Variants in CSMD1 observed in about 807,000 individuals in gnomAD.
CSMD1 encodes the protein CUB and sushi domain-containing protein 1.
CSMD1 carries 213 observed loss-of-function variants against 417.5 expected under a neutral mutation model. The ratio of observed to expected loss-of-function variants is 0.51; its 90% confidence interval spans 0.46 to 0.57. The LOEUF is 0.57. Among genes scored for constraint, CSMD1 ranks in the 20% least tolerant of loss-of-function variants. The pLI, the probability that CSMD1 is intolerant of heterozygous loss-of-function variation, is 0.00. For missense variants in CSMD1, 6,923 were observed against 4,529.7 expected (o/e 1.53, Z -15.17); for synonymous variants, 2,862 against 1,736.8 (o/e 1.65, Z -16.11).
chr8:4,869,236 G>C (rs573927200), intron 1 of CSMD1, among the ~76,000 whole-genome samples: 5 of 152,060 alleles, frequency 3.3e-5, no homozygotes, highest in Admixed American at 2.6e-4. Flanking sequence ...AAAAGCATCT[G>C]TGTGGCTATG....
intron 26 of CSMD1, among the ~76,000 whole-genome samples, chr8:3,261,700 G>A (rs1585840374): frequency 6.6e-6 from 1 of 152,080 alleles, no homozygotes; most frequent in Non-Finnish European, 1.5e-5. Context: ...GCAACAAGCC[G>A]GCCCCATCAG....
At chr8:4,329,555 T>G (rs962955999) in intron 3 of CSMD1, among the ~76,000 whole-genome samples, 2 of 152,142 alleles carry the variant, frequency 1.3e-5, no homozygotes, top group Admixed American at 1.3e-4. Context: ...CCCAAATTGC[T>G]TGGATTAAAG....
chr8:4,377,536 T>C (rs147391776), intron 3 of CSMD1, among the ~76,000 whole-genome samples: 66 of 152,336 alleles, frequency 4.3e-4, no homozygotes, highest in African/African-American at 1.5e-3. Context: ...AACTAATATA[T>C]ACTCAAAGTT....
At chr8:4,712,061 G>A (rs575891902) in intron 1 of CSMD1, among the ~76,000 whole-genome samples, 203 of 152,268 alleles carry the variant, frequency 1.3e-3, no homozygotes, top group Non-Finnish European at 2.0e-3. Context: ...CCCATAAAAT[G>A]CATGTTCACT....
chr8:4,464,045 A>G (rs887974396), intron 2 of CSMD1, among the ~76,000 whole-genome samples: 5 of 152,184 alleles, frequency 3.3e-5, no homozygotes, highest in African/African-American at 1.2e-4. Flanking sequence ...TACGAATTAA[A>G]AAAAAAGGAA....
chr8:4,726,348 GAT>G (rs1563229301), intron 1 of CSMD1, among the ~76,000 whole-genome samples: 1 of 150,774 alleles, frequency 6.6e-6, no homozygotes. Flanking sequence ...ATTCCTGAAA[GAT>G]AGTTATTATC....
intron 7 of CSMD1, among the ~76,000 whole-genome samples, chr8:3,634,587 A>C (rs1796940832): frequency 6.6e-6 from 1 of 152,126 alleles, no homozygotes; most frequent in Non-Finnish European, 1.5e-5. Flanking sequence ...ATAGCCATGC[A>C]CATAATGACC....
chr8:2,950,282 T>C lies in CSMD1; in HGVS notation c.10263A>G (p.Ala3421=). 1 of 1,613,506 alleles carries C rather than the reference T, an allele frequency of 6.2e-7. No individual in the cohort carries two copies. Among genetic ancestry groups the C allele is most frequent in the East Asian group, 2.2e-5 (1 of 44,880 alleles). The change falls in exon 67 of 70, where the codon GCA becomes GCG. Residue 3421 remains alanine, a synonymous_variant. Coordinates refer to ENST00000635120, the MANE Select transcript of CSMD1 (RefSeq NM_033225.6). ...LLKAFQIKGQ[A]DIFVSKFEND... is the part of the protein sequence containing the mutation. ...TTTCGAACTTGCTTACAAAAATATC[T>C]GCCTGGCCTTTAATTTGAAAAGCTT...
chr8:3,273,344 T>C (rs1360446624), intron 26 of CSMD1, among the ~76,000 whole-genome samples: 8 of 152,132 alleles, frequency 5.3e-5, no homozygotes, highest in Admixed American at 1.3e-4. Context: ...CAGTATTTTA[T>C]TGAGGATTTT....
intron 7 of CSMD1, among the ~76,000 whole-genome samples, chr8:3,651,118 T>A (rs1485538670): frequency 6.6e-6 from 1 of 152,212 alleles, no homozygotes; most frequent in East Asian, 1.9e-4. Flanking sequence ...TCTGTCAGTA[T>A]CTTGTCTTGA....
chr8:3,499,749 G>T (rs1456025103), intron 10 of CSMD1, among the ~76,000 whole-genome samples: 1 of 152,020 alleles, frequency 6.6e-6, no homozygotes, highest in Non-Finnish European at 1.5e-5. Flanking sequence ...TGCAGCTGGG[G>T]TCATAGTCCT....
At chr8:4,280,168 G>T (rs1796701534) in intron 3 of CSMD1, among the ~76,000 whole-genome samples, 1 of 152,176 alleles carries the variant, frequency 6.6e-6, no homozygotes, top group Non-Finnish European at 1.5e-5. Context: ...ACGCTTAAAA[G>T]AAGATTTTAC....
intron 3 of CSMD1, among the ~76,000 whole-genome samples, chr8:4,190,498 A>C (rs1798958708): frequency 1.3e-5 from 2 of 152,034 alleles, no homozygotes; most frequent in African/African-American, 4.8e-5. Context: ...CAAGTAAAAT[A>C]ATACAATCAG....
intron 62 of CSMD1, 62 bp downstream of exon 62, chr8:2,961,079 T>G: frequency 8.6e-7 from 1 of 1,164,760 alleles, no homozygotes; most frequent in Non-Finnish European, 1.2e-6. Context: ...TCACATATGT[T>G]TAAGTAACAA....
chr8:3,599,636 G>A (rs908748522), intron 8 of CSMD1, among the ~76,000 whole-genome samples: 1 of 152,130 alleles, frequency 6.6e-6, no homozygotes, highest in African/African-American at 2.4e-5. Flanking sequence ...AGATCCCTAG[G>A]TTTATTCATC....
At chr8:3,468,169 A>T (rs1816886681) in intron 12 of CSMD1, among the ~76,000 whole-genome samples, 1 of 152,226 alleles carries the variant, frequency 6.6e-6, no homozygotes, top group Non-Finnish European at 1.5e-5. Flanking sequence ...AATTAATGGG[A>T]TCTTTTTCAC....
At chr8:3,453,795 TG>T (rs555017653) in intron 12 of CSMD1, among the ~76,000 whole-genome samples, 1 of 152,138 alleles carries the variant, frequency 6.6e-6, no homozygotes, top group Non-Finnish European at 1.5e-5. Context: ...TCTATTGATT[TG>T]GGGGGGATAG....
At chr8:4,397,510 C>G (rs142384732) in intron 3 of CSMD1, among the ~76,000 whole-genome samples, 1 of 131,530 alleles carries the variant, frequency 7.6e-6, no homozygotes, top group Non-Finnish European at 1.6e-5. Context: ...GCAATGTCAA[C>G]AAGCCTGAGA....
chr8:3,592,795 T>G (rs9650507), intron 8 of CSMD1, among the ~76,000 whole-genome samples: 3 of 151,978 alleles, frequency 2.0e-5, no homozygotes, highest in Non-Finnish European at 4.4e-5. Context: ...ACGTTAAAAG[T>G]TACAGACTTC....
Sources: allele counts gnomAD v4.1 joint callset (sites outside exome capture counted in the v4.1 genomes callset), GRCh38; gene constraint gnomAD v4.1.1; transcripts MANE v1.5; gene names NCBI Gene and HGNC (gene_info 2026-07-23, HGNC 2026-07-21).